The following HSPA2 variants were observed in gnomAD, a reference collection of about 807,000 sequenced individuals.
HSPA2 encodes the protein heat shock-related 70 kDa protein 2.
HSPA2 carries 13 observed loss-of-function variants against 35.0 expected under a neutral mutation model. The ratio of observed to expected loss-of-function variants is 0.37; its 90% CI spans 0.24 to 0.59. The LOEUF (loss-of-function observed/expected upper bound fraction) is 0.59. Among genes scored for constraint, HSPA2 ranks in the 20% least tolerant of loss-of-function variants. HSPA2 has a pLI of 0.70. For missense variants in HSPA2, 565 were observed against 885.4 expected (o/e 0.64, Z 4.59); for synonymous variants, 368 against 382.1 (o/e 0.96, Z 0.43).
Position 64,540,806 on chromosome 14 carries a change from C to T in HSPA2, c.-44C>T. On this transcript the variant is annotated 5_prime_UTR_variant, in exon 1 of 1. Coordinates refer to ENST00000247207, the MANE Select transcript of HSPA2 (RefSeq NM_021979.4). Reference sequence around the variant, plus strand: ...CGTTAGTTGACTCCGCGGAGTTCATCTCCCTGGTTTTCCCGTCCTAACGTC... The same window carrying T: ...CGTTAGTTGACTCCGCGGAGTTCATTTCCCTGGTTTTCCCGTCCTAACGTC... The T allele has an allele frequency of 1.2e-6, 2 of 1,603,788 alleles. No homozygotes were observed. Among genetic ancestry groups the T allele is most frequent in the Admixed American group, 1.7e-5 (1 of 59,542 alleles).
upstream of HSPA2, among the ~76,000 whole-genome samples, chr14:64,536,826 G>A (rs914469797): frequency 6.6e-6 from 1 of 152,114 alleles, no homozygotes; most frequent in Non-Finnish European, 1.5e-5. Flanking sequence ...TTAAACTATG[G>A]AACATACAAA....
chr14:64,539,902 G>C (rs547255846), upstream of HSPA2, among the ~76,000 whole-genome samples: 2 of 152,088 alleles, frequency 1.3e-5, no homozygotes. Context: ...GGATGGTCTC[G>C]ATGTCTTAAC....
rs1045123808 is a variant in HSPA2 at position 64,543,029 on chromosome 14, G to A, written c.*260G>A. 9 of 570,842 alleles carry A rather than the reference G, an allele frequency of 1.6e-5. No homozygotes were observed. The African/African-American group carries it at 1.7e-4, about 11-fold the overall frequency. 35.4% of individuals were successfully genotyped at this position (570,842 alleles called of 1,614,324 possible). A position where few individuals can be genotyped will look rare whatever the true frequency, so the allele number is the denominator to read the frequency against. On this transcript the variant is annotated 3_prime_UTR_variant, in exon 1 of 1. Transcript: ENST00000247207. ...GAGCATTTTTGATTAGTTCGTGCAT[G>A]GAGATTTGTTTGAGATGAGAAACCT...
chr14:64,538,626 C>T (rs2079998033), upstream of HSPA2, among the ~76,000 whole-genome samples: 3 of 152,198 alleles, frequency 2.0e-5, no homozygotes, highest in Admixed American at 2.0e-4. Flanking sequence ...CTGGGTGTGC[C>T]CCTCTGTGTT....
Position 64,542,315 on chromosome 14 carries a change from T to C in HSPA2, c.1466T>C (p.Leu489Pro). The change falls in exon 1 of 1, where the codon CTT becomes CCT. Residue 489 changes from leucine (L) to proline (P), a missense_variant. Leu to Pro is a moderately conservative substitution (Grantham distance 98, BLOSUM62 -3). Coordinates refer to ENST00000247207, the MANE Select transcript of HSPA2 (RefSeq NM_021979.4). This position sits in a 1 kb window ranked among gnomAD's most constrained non-coding sequence, Gnocchi z 5.7. Reference sequence around the variant, plus strand: ...TTCGACATTGACGCCAATGGCATCCTTAACGTTACCGCCGCCGACAAGAGC... The same window carrying C: ...TTCGACATTGACGCCAATGGCATCCCTAACGTTACCGCCGCCGACAAGAGC... ...VTFDIDANGI[L>P]NVTAADKSTG... The C allele has an allele frequency of 1.2e-6, 2 of 1,613,964 alleles. No individual in the cohort carries two copies. The highest frequency in any genetic ancestry group is 1.7e-6 in the Non-Finnish European group (2 of 1,180,002).
At position 64,542,083 on chromosome 14, in the gene HSPA2, G is replaced by A; in HGVS notation, c.1234G>A (p.Val412Ile). 6.2e-7 allele frequency: 1 copy of A among 1,613,668 alleles called. No homozygotes were observed. Among genetic ancestry groups the A allele is most frequent in the African/African-American group, 1.3e-5 (1 of 75,018 alleles). The change falls in exon 1 of 1, where the codon GTC (valine) becomes ATC (isoleucine). Residue 412 changes from valine to isoleucine, a missense_variant. Physicochemically the swap from Val to Ile is conservative, Grantham distance 29. Around this residue, in one of 4 missense-constraint regions of HSPA2, gnomAD observed 234 missense variants for 419.0 expected, o/e 0.56. Transcript: ENST00000247207. This position sits in a 1 kb window ranked among gnomAD's most constrained non-coding sequence, Gnocchi z 5.7. Reference sequence around the variant, plus strand: ...GCTGGGCATCGAGACAGCTGGCGGTGTCATGACCCCACTCATCAAGAGGAA... The same window carrying A: ...GCTGGGCATCGAGACAGCTGGCGGTATCATGACCCCACTCATCAAGAGGAA... Reference protein sequence around the residue: ...LSLGIETAGGVMTPLIKRNTT... With the variant: ...LSLGIETAGGIMTPLIKRNTT...
In HSPA2 at chr14:64,542,725, G is replaced by T; in HGVS notation, c.1876G>T (p.Gly626Cys). Reference protein sequence around the residue: ...GGPGGGSGGGGSGASGGPTIE... With the variant: ...GGPGGGSGGGCSGASGGPTIE... ...TCCTGGCGGCGGCAGCGGCGGCGGC[G>T]GTTCAGGAGCCTCCGGGGGACCCAC... is the stretch of plus-strand genomic sequence containing the variant. Residue 626 changes from glycine to cysteine, a missense_variant, in exon 1 of 1, where the codon GGT (glycine) becomes TGT (cysteine). By Grantham distance (159) the Gly-to-Cys change is radical (BLOSUM62 -3). This residue lies in a region of HSPA2 where 147 missense variants were observed against 166.7 expected (regional missense o/e 0.88). Coordinates refer to ENST00000247207, the MANE Select transcript of HSPA2 (RefSeq NM_021979.4). The surrounding 1 kb of genome is among the most constrained non-coding windows in gnomAD (Gnocchi z 5.7). 2 of 1,613,284 alleles carry T rather than the reference G, an allele frequency of 1.2e-6. No homozygotes were observed. The highest frequency in any genetic ancestry group is 1.1e-5 in the South Asian group (1 of 91,010).
In HSPA2 at chr14:64,540,744, T is replaced by C. The variant is rs1596713095; in HGVS notation, c.-106T>C. On this transcript the variant is annotated 5_prime_UTR_variant, in exon 1 of 1. Coordinates refer to ENST00000247207, the MANE Select transcript of HSPA2 (RefSeq NM_021979.4). ...CGGGAACTGGGCGCGGGGAGCTGAGTTGCTGGTAGTGCCCGTGGTGCTTGG... is the reference window on the plus strand; with the variant it reads ...CGGGAACTGGGCGCGGGGAGCTGAGCTGCTGGTAGTGCCCGTGGTGCTTGG... The C allele has an allele frequency of 7.3e-6, 11 of 1,511,362 alleles. No homozygotes were observed. Among genetic ancestry groups the C allele is most frequent in the African/African-American group, 1.4e-5 (1 of 71,832 alleles). The allele number at this position is 1,511,362 out of a possible 1,614,324, so 93.6% of individuals were successfully genotyped here. A position where few individuals can be genotyped will look rare whatever the true frequency, so the allele number is the denominator to read the frequency against.
upstream of HSPA2, chr14:64,540,660 G>T: frequency 1.2e-6 from 1 of 801,832 alleles, no homozygotes; most frequent in Non-Finnish European, 1.9e-6. Flanking sequence ...GGAAGAGTTT[G>T]TGAGGGCGGT....
upstream of HSPA2, chr14:64,540,716 A>T (rs2080020687): frequency 7.3e-7 from 1 of 1,369,032 alleles, no homozygotes; most frequent in South Asian, 1.4e-5. Flanking sequence ...CGGCTATAAG[A>T]ACCGGGAACT....
upstream of HSPA2, among the ~76,000 whole-genome samples, chr14:64,539,582 A>T (rs1199088871): frequency 2.6e-5 from 4 of 152,212 alleles, no homozygotes; most frequent in African/African-American, 9.7e-5. Context: ...AGTCGCCGCC[A>T]CACCCCTGTC....
At chr14:64,540,493 C>T, upstream of HSPA2, 1 of 285,786 alleles carries the variant, frequency 3.5e-6, no homozygotes, top group Middle Eastern at 1.2e-3. Context: ...GCGCGAGGCA[C>T]CACGGCCTGG....
upstream of HSPA2, among the ~76,000 whole-genome samples, chr14:64,537,445 A>G (rs552685222): frequency 1.2e-4 from 18 of 152,146 alleles, no homozygotes; most frequent in South Asian, 3.7e-3. Flanking sequence ...TATAAAAATT[A>G]GATGGACGTG....
chr14:64,541,242 C>T lies in HSPA2; in HGVS notation c.393C>T (p.Ile131=). The T allele has an allele frequency of 6.2e-7, 1 of 1,614,056 alleles. No homozygotes were observed. Among genetic ancestry groups the T allele is most frequent in the Non-Finnish European group, 8.5e-7 (1 of 1,180,032 alleles). The part of the protein sequence containing the change: ...SSMVLTKMKE[I]AEAYLGGKVH... ...TGGTCCTCACGAAGATGAAGGAGAT[C>T]GCGGAAGCCTACCTGGGGGGCAAGG... Residue 131 remains isoleucine, a synonymous_variant, in exon 1 of 1, where the codon ATC becomes ATT. Coordinates refer to ENST00000247207, the MANE Select transcript of HSPA2 (RefSeq NM_021979.4).
Position 64,541,583 on chromosome 14 carries a change from C to T in HSPA2, c.734C>T (p.Ala245Val), listed in dbSNP as rs770917203. The T allele has an allele frequency of 6.8e-6, 11 of 1,611,956 alleles. No homozygotes were observed. The East Asian group carries it at 1.1e-4, about 16-fold the overall frequency. Residue 245 changes from alanine (A) to valine (V), a missense_variant, in exon 1 of 1, where the codon GCG becomes GTG. Around this residue, in one of 4 missense-constraint regions of HSPA2, gnomAD observed 234 missense variants for 419.0 expected, o/e 0.56. Transcript: ENST00000247207. ...GACAACCGCATGGTGAGCCACCTGG[C>T]GGAGGAGTTCAAGCGCAAGCACAAG... is the stretch of plus-strand genomic sequence containing the variant. ...DFDNRMVSHL[A>V]EEFKRKHKKD...
rs1393524467 is a variant in HSPA2, at chr14:64,542,863, ATC to A, written c.*96_*97del. On this transcript the variant is annotated 3_prime_UTR_variant, in exon 1 of 1. Transcript: ENST00000247207. The surrounding 1 kb of genome is among the most constrained non-coding windows in gnomAD (Gnocchi z 5.7). ...GAAATGTCCTTGTGCCAAGTACGAG[ATC>A]TATTGTTGGAAGTCTTTGGTATATG... The A allele has an allele frequency of 6.8e-7, 1 of 1,462,046 alleles. No homozygotes were observed. Among genetic ancestry groups the A allele is most frequent in the East Asian group, 2.5e-5 (1 of 40,294 alleles). 90.6% of individuals were successfully genotyped at this position (1,462,046 alleles called of 1,614,324 possible). A position where few individuals can be genotyped will look rare whatever the true frequency, so the allele number is the denominator to read the frequency against.
upstream of HSPA2, among the ~76,000 whole-genome samples, chr14:64,538,174 C>T (rs1421481155): frequency 6.6e-6 from 1 of 152,122 alleles, no homozygotes; most frequent in Non-Finnish European, 1.5e-5. Context: ...AAATGATATA[C>T]ACCACTAGAT....
Position 64,541,131 on chromosome 14 carries a change from G to A in HSPA2, c.282G>A (p.Arg94=), listed in dbSNP as rs2080026484. ...CGGATATGAAACACTGGCCGTTCCG[G>A]GTGGTGAGCGAGGGAGGCAAGCCCA... ...VQSDMKHWPF[R]VVSEGGKPKV... Residue 94 remains arginine (R), a synonymous_variant, in exon 1 of 1, where the codon CGG becomes CGA. Coordinates refer to ENST00000247207, the MANE Select transcript of HSPA2 (RefSeq NM_021979.4). 1 of 1,614,114 alleles carries A rather than the reference G, an allele frequency of 6.2e-7. No individual in the cohort carries two copies. The highest frequency in any genetic ancestry group is 1.3e-5 in the African/African-American group (1 of 74,938).
upstream of HSPA2, among the ~76,000 whole-genome samples, chr14:64,540,023 A>C (rs2080011770): frequency 6.6e-6 from 1 of 152,006 alleles, no homozygotes; most frequent in African/African-American, 2.4e-5. Flanking sequence ...ACTGAGACGC[A>C]GTGAAGCACC....
Sources: allele counts gnomAD v4.1 joint callset (sites outside exome capture counted in the v4.1 genomes callset), GRCh38; gene constraint gnomAD v4.1.1; regional missense constraint gnomAD v4.1.1; non-coding constraint Gnocchi (gnomAD v3.1); transcripts MANE v1.5; gene names NCBI Gene and HGNC (gene_info 2026-07-23, HGNC 2026-07-21).